Variants in HERC3 observed in about 807,000 individuals in gnomAD.
HERC3 encodes the protein probable E3 ubiquitin-protein ligase HERC3.
Under a neutral mutation model 129.9 loss-of-function variants are expected in HERC3, and 58 were observed. The ratio of observed to expected loss-of-function variants is 0.45; its 90% CI spans 0.36 to 0.56. The LOEUF (loss-of-function observed/expected upper bound fraction) is 0.56. Among genes scored for constraint, HERC3 ranks in the 20% least tolerant of loss-of-function variants. The pLI, the probability that HERC3 is intolerant of heterozygous loss-of-function variation, is 0.00. For missense variants in HERC3, 835 were observed against 1,244.2 expected (o/e 0.67, Z 4.95); for synonymous variants, 430 against 451.0 (o/e 0.95, Z 0.59).
intron 2 of HERC3, among the ~76,000 whole-genome samples, chr4:88,601,115 A>C (rs1722916185): frequency 6.6e-6 from 1 of 152,226 alleles, no homozygotes. Flanking sequence ...TTTAATCTTA[A>C]TACTTTTTTA....
chr4:88,559,735 C>T, the HERC3 span, among the ~76,000 whole-genome samples: 47 of 152,270 alleles, frequency 3.1e-4, 1 homozygote, highest in East Asian at 8.3e-3. Flanking sequence ...GTGGATAATG[C>T]TGCAATGAAC....
At chr4:88,621,235 T>G (rs528088910) in intron 3 of HERC3, among the ~76,000 whole-genome samples, 129 of 152,114 alleles carry the variant, frequency 8.5e-4, no homozygotes, top group African/African-American at 3.0e-3. Flanking sequence ...GCCTCCTGAG[T>G]AGCTGGGATT....
At chr4:88,701,296 G>T (rs1300380793) in intron 23 of HERC3, among the ~76,000 whole-genome samples, 1 of 152,146 alleles carries the variant, frequency 6.6e-6, no homozygotes, top group African/African-American at 2.4e-5. Context: ...GAAAAGGGAG[G>T]CTTACTAGTT....
chr4:88,567,580 A>G, the HERC3 span, among the ~76,000 whole-genome samples: 1 of 152,126 alleles, frequency 6.6e-6, no homozygotes, highest in Non-Finnish European at 1.5e-5. Flanking sequence ...AGAGACTCTG[A>G]TGCATTCTTC....
chr4:88,590,984 G>T (rs1333569689), upstream of HERC3, among the ~76,000 whole-genome samples: 1 of 151,184 alleles, frequency 6.6e-6, no homozygotes, highest in Non-Finnish European at 1.5e-5. Context: ...CCGCCTTCCA[G>T]GTTCCAGTGA....
At chr4:88,524,778 G>A in the HERC3 span, 14 of 152,144 alleles carry the variant, frequency 9.2e-5, 1 homozygote, top group Admixed American at 5.9e-4. Flanking sequence ...TTCCATGTCC[G>A]AAGACTCAAA....
At chr4:88,690,272 A>G (rs1239982997) in intron 23 of HERC3, 1 of 978,828 alleles carries the variant, frequency 1.0e-6, no homozygotes, top group Non-Finnish European at 1.2e-6. Flanking sequence ...TTTATTCCAT[A>G]TAGTCAGATA....
chr4:88,530,792 C>G, the HERC3 span, among the ~76,000 whole-genome samples: 1 of 152,098 alleles, frequency 6.6e-6, no homozygotes, highest in Admixed American at 6.5e-5. Context: ...CAGGTTTGAG[C>G]TTAAGCCTAA....
At chr4:88,630,263 TGTGAGCTTCCCTA>T (rs1726593734) in intron 3 of HERC3, among the ~76,000 whole-genome samples, 1 of 152,246 alleles carries the variant, frequency 6.6e-6, no homozygotes, top group African/African-American at 2.4e-5. Context: ...TTGAAATGTC[TGTGAGCTTCCCTA>T]GTGATTTAGA....
chr4:88,654,347 T>TATA (rs1729616074), intron 7 of HERC3, among the ~76,000 whole-genome samples: 1 of 66,574 alleles, frequency 1.5e-5, no homozygotes, highest in African/African-American at 9.2e-5. Context: ...TTGTAGATTT[T>TATA]TCATATATAT....
upstream of HERC3, among the ~76,000 whole-genome samples, chr4:88,588,870 A>G (rs1453743068): frequency 6.6e-6 from 1 of 152,200 alleles, no homozygotes; most frequent in Non-Finnish European, 1.5e-5. Context: ...TCCCCTTGCC[A>G]CTGGGCATAC....
At chr4:88,578,396 A>G in the HERC3 span, among the ~76,000 whole-genome samples, 1 of 152,142 alleles carries the variant, frequency 6.6e-6, no homozygotes, top group Non-Finnish European at 1.5e-5. Flanking sequence ...AGCCTGGCCA[A>G]CATGGTGAAA....
chr4:88,696,471 T>C (rs1560776530), intron 23 of HERC3: 2 of 152,580 alleles, frequency 1.3e-5, no homozygotes, highest in African/African-American at 4.8e-5. Context: ...TGTTTGTAAA[T>C]AGACAGTACT....
chr4:88,677,582 A>G (rs1010579077), intron 18 of HERC3, among the ~76,000 whole-genome samples: 2 of 152,162 alleles, frequency 1.3e-5, no homozygotes, highest in Non-Finnish European at 2.9e-5. Context: ...ACATTTTTCA[A>G]AGAATAACTC....
chr4:88,632,184 G>T (rs1726849020), intron 3 of HERC3, among the ~76,000 whole-genome samples: 1 of 152,286 alleles, frequency 6.6e-6, no homozygotes, highest in Admixed American at 6.5e-5. Flanking sequence ...TCTGTGTTCT[G>T]CATGCGTGGA....
the HERC3 span, among the ~76,000 whole-genome samples, chr4:88,575,297 T>A: frequency 3.3e-5 from 5 of 152,210 alleles, no homozygotes; most frequent in Non-Finnish European, 7.3e-5. Context: ...ACAAATAGCA[T>A]GTTAATGTGA....
intron 19 of HERC3, among the ~76,000 whole-genome samples, 166 bp downstream of exon 19, chr4:88,678,300 C>T (rs1348631221): frequency 6.6e-6 from 1 of 152,138 alleles, no homozygotes; most frequent in Non-Finnish European, 1.5e-5. Context: ...CAGAACACCT[C>T]AATGTAACAT....
chr4:88,621,003 A>G (rs1379303464), intron 3 of HERC3, among the ~76,000 whole-genome samples: 1 of 152,094 alleles, frequency 6.6e-6, no homozygotes, highest in African/African-American at 2.4e-5. Context: ...GTCACAATCA[A>G]TACCTCTCTT....
intron 23 of HERC3, among the ~76,000 whole-genome samples, chr4:88,697,988 T>C (rs1159185502): frequency 1.3e-5 from 2 of 152,168 alleles, no homozygotes; most frequent in African/African-American, 4.8e-5. Context: ...TGACATCTTC[T>C]GGGCCCTCAA....
Sources: gnomAD v4.1 joint callset for allele counts (sites outside exome capture counted in the v4.1 genomes callset) on GRCh38, gnomAD v4.1.1 for gene constraint, MANE v1.5 for transcripts, NCBI Gene and HGNC (gene_info 2026-07-23, HGNC 2026-07-21) for gene names.